The following FBXL18 variants were observed in gnomAD, a reference collection of about 807,000 sequenced individuals.
The protein encoded by FBXL18 is F-box/LRR-repeat protein 18.
A neutral mutation model predicts 46.0 loss-of-function variants in FBXL18; 36 were observed. The ratio of observed to expected loss-of-function variants is 0.78; its 90% CI spans 0.60 to 1.03. The LOEUF is 1.03. Among genes scored for constraint, FBXL18 ranks in the 50% least tolerant of loss-of-function variants. The pLI is 0.00. For missense variants in FBXL18, 977 were observed against 1,004.1 expected (o/e 0.97, Z 0.36); for synonymous variants, 557 against 465.3 (o/e 1.20, Z -2.54).
At chr7:5,497,027 T>A (rs1167921572) in intron 3 of FBXL18, among the ~76,000 whole-genome samples, 1 of 94,272 alleles carries the variant, frequency 1.1e-5, no homozygotes, top group African/African-American at 5.1e-5. Flanking sequence ...TGAGACTCTG[T>A]CTCAAAAAAA....
rs1218600607 is a variant in FBXL18 at position 5,477,067 on chromosome 7, T to C, written c.*4708A>G. The C allele has an allele frequency of 1.3e-5, 2 of 151,992 alleles. No homozygotes were observed. Among genetic ancestry groups the C allele is most frequent in the Non-Finnish European group, 2.9e-5 (2 of 68,042 alleles). The allele number at this position is 151,992 out of a possible 1,614,324, so 9.4% of individuals were successfully genotyped here. On this transcript the variant is annotated 3_prime_UTR_variant, in exon 5 of 5. Transcript: ENST00000382368. The surrounding 1 kb of genome is among the most constrained non-coding windows in gnomAD (Gnocchi z 4.4). ...CACACCCGACTACTTTTTTGTATTT[T>C]TAGTAGAGACGGGGTTTCACTGTGT...
downstream of FBXL18, among the ~76,000 whole-genome samples, chr7:5,471,629 C>G (rs745849808): frequency 5.9e-5 from 9 of 152,186 alleles, 1 homozygote; most frequent in South Asian, 6.2e-4. Context: ...CCAGGATGGT[C>G]TCGATCTCCT....
rs370042538 is a variant in FBXL18, at chr7:5,494,001, G to A, written c.1782-2552C>T. On this transcript the variant is annotated intron_variant, in intron 3 of 4. Coordinates refer to ENST00000382368, the MANE Select transcript of FBXL18 (RefSeq NM_024963.6). Reference sequence around the variant, plus strand: ...AAAATTAGCCAGGCAGGCCGGGCACGGTGGCTCATGCCTGTAATCCCAGCA... The same window carrying A: ...AAAATTAGCCAGGCAGGCCGGGCACAGTGGCTCATGCCTGTAATCCCAGCA... 4.7e-3 allele frequency among the ~76,000 whole-genome samples: 721 copies of A among 152,050 alleles called. 6 individuals are homozygous for A. The highest frequency in any genetic ancestry group is 0.017 in the Middle Eastern group (5 of 290).
intron 1 of FBXL18, among the ~76,000 whole-genome samples, chr7:5,507,601 C>T (rs1784423461): frequency 6.6e-6 from 1 of 151,398 alleles, no homozygotes; most frequent in Non-Finnish European, 1.5e-5. Flanking sequence ...TTTGGGAGGC[C>T]GAGGCGGGGA....
At chr7:5,509,750 T>G (rs1784482454) in intron 1 of FBXL18, among the ~76,000 whole-genome samples, 1 of 147,650 alleles carries the variant, frequency 6.8e-6, no homozygotes, top group Admixed American at 6.8e-5. Context: ...AGACCCCTGA[T>G]GCAATTGTGG....
Position 5,501,458 on chromosome 7 carries a change from C to T in FBXL18, c.811G>A (p.Gly271Ser). Reference protein sequence around the residue: ...NLHAFLISVPGSFAESGATKN... With the variant: ...NLHAFLISVPSSFAESGATKN... ...GTGGCGCCGCTCTCCGCGAAGCTGC[C>T]AGGGACGGAGATGAGGAAGGCGTGG... The change falls in exon 3 of 5, where the codon GGC becomes AGC. Residue 271 changes from glycine to serine, a missense_variant. Coordinates refer to ENST00000382368, the MANE Select transcript of FBXL18 (RefSeq NM_024963.6). 1 of 1,613,702 alleles carries T rather than the reference C, an allele frequency of 6.2e-7. No homozygotes were observed. Among genetic ancestry groups the T allele is most frequent in the Non-Finnish European group, 8.5e-7 (1 of 1,180,014 alleles).
downstream of FBXL18, among the ~76,000 whole-genome samples, chr7:5,474,944 G>C (rs551950374): frequency 6.7e-6 from 1 of 148,376 alleles, no homozygotes; most frequent in Non-Finnish European, 1.5e-5. Flanking sequence ...TCCTGACCTC[G>C]TGATCCGCCC....
At chr7:5,463,281 C>A (rs2128231116) in intron 4 of FBXL18, among the ~76,000 whole-genome samples, 1 of 151,846 alleles carries the variant, frequency 6.6e-6, no homozygotes, top group Non-Finnish European at 1.5e-5. Flanking sequence ...AGCAATTTTA[C>A]TTCTAGTATA....
In FBXL18 at chr7:5,501,721, G is replaced by A. The variant is rs866794855; in HGVS notation, c.548C>T (p.Pro183Leu). The A allele has an allele frequency of 8.9e-6, 14 of 1,580,872 alleles. No individual in the cohort carries two copies. The highest frequency in any genetic ancestry group is 1.2e-5 in the Non-Finnish European group (14 of 1,163,030). The change falls in exon 3 of 5, where the codon CCC becomes CTC. Residue 183 changes from proline to leucine, a missense_variant. Pro to Leu is a moderately conservative substitution (Grantham distance 98). Coordinates refer to ENST00000382368, the MANE Select transcript of FBXL18 (RefSeq NM_024963.6). ...GCAGCAGGGCACCACGCCGTAGGAG[G>A]GAGTGAACAGCGTCTGCTTGAGCTC... ...VRELKQTLFT[P>L]SYGVVPCCTS...
At chr7:5,497,543 G>C (rs1784114563) in intron 3 of FBXL18, among the ~76,000 whole-genome samples, 1 of 152,226 alleles carries the variant, frequency 6.6e-6, no homozygotes, top group Non-Finnish European at 1.5e-5. Context: ...GAGGTCGAGA[G>C]GGAGGGTGGC....
chr7:5,482,567 C>T (rs1486782477), intron 4 of FBXL18, among the ~76,000 whole-genome samples: 1 of 141,320 alleles, frequency 7.1e-6, no homozygotes, highest in Non-Finnish European at 1.5e-5. Context: ...TGCACAATTG[C>T]CACGGGGTGC....
At chr7:5,493,872 G>A (rs1313880578) in intron 3 of FBXL18, among the ~76,000 whole-genome samples, 1 of 151,970 alleles carries the variant, frequency 6.6e-6, no homozygotes, top group African/African-American at 2.4e-5. Context: ...GGTGGCTCAC[G>A]TCTATAATCC....
intron 4 of FBXL18, among the ~76,000 whole-genome samples, chr7:5,483,562 T>G (rs943692581): frequency 2.0e-5 from 3 of 151,826 alleles, no homozygotes; most frequent in African/African-American, 7.3e-5. Flanking sequence ...CTGACCAACA[T>G]GGAGAAACCC....
intron 4 of FBXL18, among the ~76,000 whole-genome samples, chr7:5,485,024 C>G (rs1439234931): frequency 2.6e-5 from 4 of 152,260 alleles, no homozygotes; most frequent in East Asian, 1.9e-4. Flanking sequence ...TCAAACAATC[C>G]TCCCCCCTTG....
intron 4 of FBXL18, among the ~76,000 whole-genome samples, chr7:5,458,941 G>C (rs563067667): frequency 6.6e-6 from 1 of 151,588 alleles, no homozygotes; most frequent in South Asian, 2.1e-4. Context: ...GAGCCCAGGA[G>C]TTTGAGACCA....
chr7:5,481,918 G>C lies in FBXL18; in HGVS notation c.2014C>G (p.Arg672Gly), dbSNP rs201528597. 1.2e-6 allele frequency: 2 copies of C among 1,606,418 alleles called. No individual in the cohort carries two copies. Among genetic ancestry groups the C allele is most frequent in the Non-Finnish European group, 1.7e-6 (2 of 1,175,758 alleles). ...QSLLRSFQAE[R>G]PALNVVIFPL... ...AAGATGACGACGTTTAACGCGGGCC[G>C]CTCGGCCTGGAAGCTGAACCAGAGA... Residue 672 changes from arginine to glycine, a missense_variant, in exon 5 of 5, where the codon CGG becomes GGG. Physicochemically the swap from Arg to Gly is moderately radical, Grantham distance 125. Coordinates refer to ENST00000382368, the MANE Select transcript of FBXL18 (RefSeq NM_024963.6).
At position 5,455,918 on chromosome 7, in the gene FBXL18, G is replaced by A. The variant is rs1783166665; in HGVS notation, c.2001-8075C>T. ...GCGGGACTCTCTCATGGGCCGTGCT[G>A]GCTCCAGCATCGCAGTCTAACAGCT... On this transcript the variant is annotated intron_variant and NMD_transcript_variant, in intron 4 of 6. Transcript: ENST00000415009. The surrounding 1 kb of genome is among the most constrained non-coding windows in gnomAD (Gnocchi z 4.6). Among the ~76,000 whole-genome samples, 1 of 152,158 alleles carries A rather than the reference G, an allele frequency of 6.6e-6. No homozygotes were observed. Among genetic ancestry groups the A allele is most frequent in the East Asian group, 1.9e-4 (1 of 5,176 alleles).
At chr7:5,464,164 T>A (rs529994286) in intron 4 of FBXL18, among the ~76,000 whole-genome samples, 29 of 151,746 alleles carry the variant, frequency 1.9e-4, no homozygotes, top group Non-Finnish European at 1.8e-4. Flanking sequence ...GCCAACATGG[T>A]GAAACCCTGT....
chr7:5,513,797 T>G lies in FBXL18; in HGVS notation c.-123A>C. Reference sequence around the variant, plus strand: ...ACCGAGACCCCGGCAAGGAGCGGGCTCTCGTCACTTCCGGCGCCCGCCTAC... The same window carrying G: ...ACCGAGACCCCGGCAAGGAGCGGGCGCTCGTCACTTCCGGCGCCCGCCTAC... On this transcript the variant is annotated 5_prime_UTR_variant, in exon 1 of 5. Transcript: ENST00000382368. The G allele has an allele frequency of 2.2e-6, 3 of 1,356,332 alleles. No individual in the cohort carries two copies. Among genetic ancestry groups the G allele is most frequent in the Non-Finnish European group, 3.0e-6 (3 of 1,003,316 alleles). 84.0% of individuals were successfully genotyped at this position (1,356,332 alleles called of 1,614,324 possible).
Sources: allele counts gnomAD v4.1 joint callset (sites outside exome capture counted in the v4.1 genomes callset), GRCh38; gene constraint gnomAD v4.1.1; non-coding constraint Gnocchi (gnomAD v3.1); transcripts MANE v1.5; gene names NCBI Gene and HGNC (gene_info 2026-07-23, HGNC 2026-07-21).